Variants in HGF observed in about 807,000 individuals in gnomAD.
HGF encodes the protein fibroblast-derived tumor cytotoxic factor.
A neutral mutation model predicts 111.6 loss-of-function variants in HGF; 39 were observed. That is an observed-to-expected ratio of 0.35 (90% CI 0.27 to 0.46). The LOEUF is 0.46. Ranked by LOEUF, HGF falls within the 20% of genes least tolerant of loss-of-function variation. HGF has a pLI of 1.00. For missense variants in HGF, 735 were observed against 910.5 expected (o/e 0.81, Z 2.48); for synonymous variants, 285 against 294.8 (o/e 0.97, Z 0.34).
At chr7:81,720,200 G>C (rs1245050134) in intron 10 of HGF, among the ~76,000 whole-genome samples, 1 of 151,936 alleles carries the variant, frequency 6.6e-6, no homozygotes, top group African/African-American at 2.4e-5. Context: ...GTAATTACTG[G>C]AAAATTTTAT....
intron 9 of HGF, among the ~76,000 whole-genome samples, chr7:81,724,452 G>T (rs1789953599): frequency 6.6e-6 from 1 of 152,148 alleles, no homozygotes; most frequent in Non-Finnish European, 1.5e-5. Flanking sequence ...TCACAATTAA[G>T]TCTATGTGAA....
intron 1 of HGF, 166 bp from the exon 2 acceptor site, chr7:81,763,038 A>T (rs932459103): frequency 3.3e-6 from 2 of 598,978 alleles, no homozygotes; most frequent in African/African-American, 3.7e-5. Flanking sequence ...AGTTAAGAGA[A>T]AGAGAGGAAT....
intron 4 of HGF, among the ~76,000 whole-genome samples, chr7:81,754,390 A>G (rs554653397): frequency 6.6e-6 from 1 of 152,132 alleles, no homozygotes; most frequent in East Asian, 1.9e-4. Context: ...AAATACACAA[A>G]GTGATACACC....
intron 4 of HGF, chr7:81,755,015 T>C (rs1788690918): frequency 6.6e-6 from 1 of 152,102 alleles, no homozygotes; most frequent in African/African-American, 2.4e-5. Context: ...CTTTGAAATA[T>C]AAACTAGGTC....
At chr7:81,758,654 TTATTTCATTATGCAA>T in intron 3 of HGF, 23 bp downstream of exon 3, 1 of 1,185,508 alleles carries the variant, frequency 8.4e-7, no homozygotes, top group Non-Finnish European at 1.3e-6. Flanking sequence ...TCATTATACT[TTATTTCATTATGCAA>T]TATTTAGGGA....
chr7:81,711,523 T>C lies in HGF; in HGVS notation c.1406-4A>G, dbSNP rs1562874001. The C allele has an allele frequency of 7.5e-7, 1 of 1,333,710 alleles. No homozygotes were observed. The highest frequency in any genetic ancestry group is 1.2e-5 in the South Asian group (1 of 80,744). The allele number at this position is 1,333,710 out of a possible 1,614,324, so 82.6% of individuals were successfully genotyped here. On this transcript the variant is annotated splice_region_variant and splice_polypyrimidine_tract_variant and intron_variant, in intron 11 of 17. Coordinates refer to ENST00000222390, the MANE Select transcript of HGF (RefSeq NM_000601.6). ...GTAGGTGTGGTATCACCTTCACCTGTAAAAATAAATGTATAGATAAATACA... is the reference window on the plus strand; with the variant it reads ...GTAGGTGTGGTATCACCTTCACCTGCAAAAATAAATGTATAGATAAATACA...
intron 7 of HGF, among the ~76,000 whole-genome samples, chr7:81,741,268 C>A (rs1157947439): frequency 6.6e-6 from 1 of 151,678 alleles, no homozygotes; most frequent in African/African-American, 2.4e-5. Context: ...ATAGGTTTGG[C>A]TTACAAATTC....
At chr7:81,719,420 G>T (rs1180120026) in intron 10 of HGF, among the ~76,000 whole-genome samples, 3 of 152,150 alleles carry the variant, frequency 2.0e-5, no homozygotes, top group African/African-American at 7.2e-5. Context: ...TAGAACTCCA[G>T]TGTCAATATA....
intron 7 of HGF, among the ~76,000 whole-genome samples, chr7:81,741,583 CTGTGTGTG>C (rs78641495): frequency 7.8e-5 from 11 of 140,650 alleles, no homozygotes; most frequent in South Asian, 2.3e-4. Context: ...GTGTGTGTGT[CTGTGTGTG>C]TGTGTGTGTG....
intron 5 of HGF, chr7:81,751,897 G>T: frequency 7.3e-7 from 1 of 1,375,588 alleles, no homozygotes. Context: ...AGGCAGTGTT[G>T]AAATTCAAAC....
intron 15 of HGF, 117 bp from the exon 16 acceptor site, chr7:81,705,870 TAAA>T (rs59876148): frequency 0.017 from 8,898 of 523,062 alleles, no homozygotes; most frequent in South Asian, 0.024. Flanking sequence ...TCCTGTTTCT[TAAA>T]AAAAAAAAAA....
intron 7 of HGF, among the ~76,000 whole-genome samples, chr7:81,741,288 T>C (rs186810776): frequency 1.3e-5 from 2 of 152,142 alleles, no homozygotes; most frequent in South Asian, 2.1e-4. Flanking sequence ...CTGGTATCAT[T>C]TTTTTAGAAT....
rs1251515567 is a variant in HGF, at chr7:81,706,208, G to A, written c.1757+79C>T. On this transcript the variant is annotated intron_variant, in intron 15 of 17. Transcript: ENST00000222390. ...ATAATGCATCTGTATGAGAGAGAAC[G>A]AACTGCCACACAGCTGAAGAAAATG... 42 of 1,271,236 alleles carry A rather than the reference G, an allele frequency of 3.3e-5. No individual in the cohort carries two copies. In the East Asian group the frequency reaches 7.6e-4, roughly 23 times the overall value. The allele number at this position is 1,271,236 out of a possible 1,614,324, so 78.7% of individuals were successfully genotyped here.
chr7:81,768,435 G>A (rs982488348), intron 1 of HGF, among the ~76,000 whole-genome samples: 2 of 151,910 alleles, frequency 1.3e-5, no homozygotes, highest in Non-Finnish European at 2.9e-5. Flanking sequence ...GCTGAAGTGC[G>A]GTGACACAAT....
In HGF at chr7:81,729,735, C is replaced by T. The variant is rs5745687; in HGVS notation, c.910G>A (p.Glu304Lys). 0.057 allele frequency: 91,416 copies of T among 1,613,660 alleles called. 3,071 individuals are homozygous for T. The highest frequency in any genetic ancestry group is 0.089 in the Middle Eastern group (542 of 6,062). ...NDTDVPLETT[E>K]CIQGQGEGYR... ...CCTTCTCCTTGACCTTGGATGCATT[C>T]AGTTGTTTCCAAAGGAACATCAGTG... is the stretch of plus-strand genomic sequence containing the variant. The change falls in exon 8 of 18, where the codon GAA becomes AAA. Residue 304 changes from glutamate (E) to lysine (K), a missense_variant. Coordinates refer to ENST00000222390, the MANE Select transcript of HGF (RefSeq NM_000601.6).
intron 7 of HGF, among the ~76,000 whole-genome samples, chr7:81,735,480 G>A (rs982511471): frequency 5.3e-5 from 8 of 151,872 alleles, no homozygotes; most frequent in African/African-American, 1.9e-4. Context: ...GATAAATTAG[G>A]AAAACTCAAA....
chr7:81,742,966 G>A (rs779323771), intron 7 of HGF: 1 of 1,611,616 alleles, frequency 6.2e-7, no homozygotes, highest in South Asian at 1.1e-5. Context: ...AGGAAAGGTA[G>A]GTAAAGGATA....
intron 11 of HGF, among the ~76,000 whole-genome samples, 167 bp from the exon 12 acceptor site, chr7:81,711,686 C>T (rs1024649198): frequency 3.3e-5 from 5 of 152,116 alleles, no homozygotes; most frequent in Admixed American, 2.6e-4. Flanking sequence ...TTCTGTCACC[C>T]AGGCTGGAGT....
At chr7:81,739,969 T>C (rs1040339166) in intron 7 of HGF, among the ~76,000 whole-genome samples, 2 of 152,122 alleles carry the variant, frequency 1.3e-5, no homozygotes, top group Non-Finnish European at 2.9e-5. Context: ...TTTTACCCCA[T>C]ACCCTACCCA....
Sources: gnomAD v4.1 joint callset for allele counts (sites outside exome capture counted in the v4.1 genomes callset) on GRCh38, gnomAD v4.1.1 for gene constraint, MANE v1.5 for transcripts, NCBI Gene and HGNC (gene_info 2026-07-23, HGNC 2026-07-21) for gene names.